TOPBP1: variants seen among roughly 807,000 people sequenced by gnomAD.
TOPBP1 encodes DNA topoisomerase II binding protein 1.
A neutral mutation model predicts 167.7 loss-of-function variants in TOPBP1; 28 were observed. The ratio of observed to expected loss-of-function variants is 0.17; its 90% CI spans 0.12 to 0.23. The LOEUF (loss-of-function observed/expected upper bound fraction) is 0.23, where lower values mean the gene tolerates loss of function less well. Ranked by LOEUF, TOPBP1 falls within the 10% of genes least tolerant of loss-of-function variation. The pLI, the probability that TOPBP1 is intolerant of heterozygous loss-of-function variation, is 1.00. For synonymous variants in TOPBP1, 598 were observed against 611.4 expected, an observed-to-expected ratio of 0.98 and a Z score of 0.32; for missense variants, 1,554 against 1,809.6, an observed-to-expected ratio of 0.86 and a Z score of 2.56.
At chr3:133,639,849 G>A in intron 13 of TOPBP1, 110 bp downstream of exon 13, 3 of 1,128,902 alleles carry the variant, frequency 2.7e-6, no homozygotes, top group South Asian at 3.2e-5. Flanking sequence ...TGCACCCAAT[G>A]TGAAAAGCAA....
Position 133,652,646 on chromosome 3 carries a change from CGT to C in TOPBP1, c.923-19_923-18del. On this transcript the variant is annotated intron_variant, in intron 7 of 27. Transcript: ENST00000260810. ...GAGTACGACCTACATATTTTGAAAA[CGT>C]ATAAATTTATGGGAGATAAAATAAT... 6.3e-7 allele frequency: 1 copy of C among 1,575,490 alleles called. No individual in the cohort carries two copies. The highest frequency in any genetic ancestry group is 8.6e-7 in the Non-Finnish European group (1 of 1,163,440).
At chr3:133,661,197 AACCT>A in intron 1 of TOPBP1, 63 bp from the exon 2 acceptor site, 1 of 1,266,306 alleles carries the variant, frequency 7.9e-7, no homozygotes, top group South Asian at 1.5e-5. Context: ...TTGCATGTTT[AACCT>A]ACCTATTTTT....
chr3:133,659,299 T>C (rs1317286325), intron 2 of TOPBP1, 149 bp from the exon 3 acceptor site: 14 of 724,338 alleles, frequency 1.9e-5, no homozygotes, highest in Non-Finnish European at 3.0e-5. Flanking sequence ...CCAAGTGGTC[T>C]CTTTTTCCCT....
chr3:133,651,622 T>C (rs1936309213), intron 8 of TOPBP1, among the ~76,000 whole-genome samples: 1 of 152,192 alleles, frequency 6.6e-6, no homozygotes, highest in Non-Finnish European at 1.5e-5. Flanking sequence ...AAGTATAGCA[T>C]ATGCTGTTTC....
At chr3:133,639,795 G>A (rs768682539) in intron 13 of TOPBP1, among the ~76,000 whole-genome samples, 164 bp downstream of exon 13, 4 of 152,064 alleles carry the variant, frequency 2.6e-5, no homozygotes, top group African/African-American at 4.8e-5. Flanking sequence ...CAGTAAATAG[G>A]AGCCAAGCTT....
intron 12 of TOPBP1, 41 bp from the exon 13 acceptor site, chr3:133,640,211 C>T: frequency 1.3e-6 from 2 of 1,541,770 alleles, no homozygotes; most frequent in East Asian, 2.3e-5. Flanking sequence ...GTCACATATA[C>T]AATTAACCCG....
intron 10 of TOPBP1, 96 bp from the exon 11 acceptor site, chr3:133,644,459 T>A (rs1249249231): frequency 4.3e-6 from 5 of 1,169,964 alleles, no homozygotes; most frequent in Non-Finnish European, 4.7e-6. Context: ...TCTGATAATT[T>A]TGACCATACT....
chr3:133,639,924 A>T (rs1935835532), intron 13 of TOPBP1, 35 bp downstream of exon 13: 1 of 1,585,090 alleles, frequency 6.3e-7, no homozygotes, highest in Non-Finnish European at 8.6e-7. Flanking sequence ...ATCTAGTTGT[A>T]AATATATATA....
intron 25 of TOPBP1, among the ~76,000 whole-genome samples, chr3:133,609,891 C>T (rs1470611565): frequency 6.6e-6 from 1 of 152,170 alleles, no homozygotes; most frequent in Non-Finnish European, 1.5e-5. Flanking sequence ...GCAGTCTGGT[C>T]ATTAGACTAC....
At chr3:133,629,771 ATGTG>A (rs34019672) in intron 14 of TOPBP1, among the ~76,000 whole-genome samples, 9 of 151,554 alleles carry the variant, frequency 5.9e-5, no homozygotes, top group Admixed American at 1.3e-4. Context: ...ATATCTTTAT[ATGTG>A]TGTGTGTGTG....
At chr3:133,619,267 G>A (rs1935006682) in intron 20 of TOPBP1, among the ~76,000 whole-genome samples, 1 of 151,990 alleles carries the variant, frequency 6.6e-6, no homozygotes. Flanking sequence ...TTTGGTACAG[G>A]ATTTAGGTTC....
intron 27 of TOPBP1, among the ~76,000 whole-genome samples, chr3:133,607,462 A>G (rs1318396007): frequency 2.0e-5 from 3 of 152,016 alleles, no homozygotes; most frequent in South Asian, 2.1e-4. Flanking sequence ...GAATAAGTAA[A>G]TATTTCGTTT....
chr3:133,609,572 G>A (rs1934605312), intron 25 of TOPBP1, among the ~76,000 whole-genome samples: 1 of 152,194 alleles, frequency 6.6e-6, no homozygotes, highest in Non-Finnish European at 1.5e-5. Flanking sequence ...GACCTCGTGG[G>A]AGGTGATCAG....
In TOPBP1 at chr3:133,659,086, A is replaced by G; in HGVS notation, c.149T>C (p.Ile50Thr). The stretch of plus-strand genomic sequence containing the variant: ...ATAAAGTGATCTATCATTCTCCTTT[A>G]TCTTCAATGCCTCTTCTTCTGTAAT... ...QIITEEEALKIKENDRSLYIC... is the reference protein window; with the variant it reads ...QIITEEEALKTKENDRSLYIC... Residue 50 changes from isoleucine (I) to threonine (T), a missense_variant, in exon 3 of 28, where the codon ATA becomes ACA. By Grantham distance (89) the Ile-to-Thr change is moderately conservative. Coordinates refer to ENST00000260810, the MANE Select transcript of TOPBP1 (RefSeq NM_007027.4). The G allele has an allele frequency of 6.3e-7, 1 of 1,592,850 alleles. No homozygotes were observed. Among genetic ancestry groups the G allele is most frequent in the Non-Finnish European group, 8.6e-7 (1 of 1,168,986 alleles).
intron 13 of TOPBP1, 137 bp from the exon 14 acceptor site, chr3:133,638,299 C>T: frequency 1.2e-6 from 1 of 813,010 alleles, no homozygotes; most frequent in African/African-American, 1.7e-5. Context: ...ATCCATCTAC[C>T]TCGGCATCCT....
rs1299916786 is a variant in TOPBP1 at position 133,656,812 on chromosome 3, T to C, written c.409A>G (p.Arg137Gly). ...TGAGTTACTGATACATTAAGGTCTC[T>C]GTATACTCGTCCGCCCATCATTTGT... The part of the protein sequence containing the change: ...YVQMMGGRVY[R>G]DLNVSVTHLI... Residue 137 changes from arginine (R) to glycine (G), a missense_variant, in exon 5 of 28, where the codon AGA (arginine) becomes GGA (glycine). Transcript: ENST00000260810. 15 of 1,607,768 alleles carry C rather than the reference T, an allele frequency of 9.3e-6. No individual in the cohort carries two copies. The highest frequency in any genetic ancestry group is 1.2e-5 in the Non-Finnish European group (14 of 1,177,680).
Position 133,653,477 on chromosome 3 carries a change from T to A in TOPBP1, c.790A>T (p.Thr264Ser). Reference sequence around the variant, plus strand: ...TCAATACTGTCAAAAAACCACTGTGTGGTCACACAGTGTACATTCCATCTC... The same window carrying A: ...TCAATACTGTCAAAAAACCACTGTGAGGTCACACAGTGTACATTCCATCTC... ...AKRWNVHCVT[T>S]QWFFDSIEKG... The change falls in exon 7 of 28, where the codon ACA becomes TCA. Residue 264 changes from threonine (T) to serine (S), a missense_variant. Transcript: ENST00000260810. The A allele has an allele frequency of 6.2e-7, 1 of 1,612,684 alleles. No homozygotes were observed. Among genetic ancestry groups the A allele is most frequent in the Non-Finnish European group, 8.5e-7 (1 of 1,179,448 alleles).
chr3:133,611,287 T>G, intron 24 of TOPBP1, 146 bp from the exon 25 acceptor site: 1 of 641,466 alleles, frequency 1.6e-6, no homozygotes, highest in South Asian at 6.8e-5. Context: ...TAAGTAAATA[T>G]TGTTTTATGA....
At chr3:133,609,843 A>G (rs551603853) in intron 25 of TOPBP1, among the ~76,000 whole-genome samples, 12 of 152,312 alleles carry the variant, frequency 7.9e-5, no homozygotes, top group African/African-American at 2.4e-4. Context: ...AGAACGAACT[A>G]ATACAATTAA....
Sources: gnomAD v4.1 joint callset for allele counts (sites outside exome capture counted in the v4.1 genomes callset) on GRCh38, gnomAD v4.1.1 for gene constraint, MANE v1.5 for transcripts, NCBI Gene and HGNC (gene_info 2026-07-23, HGNC 2026-07-21) for gene names.